KLF8: variants seen among roughly 807,000 people sequenced by gnomAD.
The protein encoded by KLF8 is KLF transcription factor 8, also known as Krueppel-like factor 8.
In KLF8, 10 loss-of-function variants were observed where a neutral mutation model predicts 18.2. The ratio of observed to expected loss-of-function variants is 0.55; its 90% CI spans 0.34 to 0.93. The LOEUF (loss-of-function observed/expected upper bound fraction) is 0.93. Ranked by LOEUF, KLF8 falls within the 40% of genes least tolerant of loss-of-function variation. The probability of loss-of-function intolerance (pLI) is 0.02; values close to 1 mark genes in which losing one functional copy is unlikely to be tolerated. For synonymous variants in KLF8, 109 were observed against 97.3 expected (o/e 1.12, Z -0.71); for missense variants, 264 against 277.9 (o/e 0.95, Z 0.36).
At chrX:56,170,160 C>T in the KLF8 span, among the ~76,000 whole-genome samples, 1 of 111,004 alleles carries the variant, frequency 9.0e-6, no homozygotes, top group African/African-American at 3.3e-5. Flanking sequence ...GCAAACATAA[C>T]TTAGATCACA....
chrX:55,946,685 G>C, the KLF8 span, among the ~76,000 whole-genome samples: 91 of 111,448 alleles, frequency 8.2e-4, 2 homozygotes, highest in South Asian at 7.6e-3. Flanking sequence ...AAACTACCAT[G>C]AGAGTGAACA....
the KLF8 span, among the ~76,000 whole-genome samples, chrX:55,946,243 A>G: frequency 8.9e-6 from 1 of 111,918 alleles, no homozygotes; most frequent in East Asian, 2.8e-4. Flanking sequence ...CTATACTACA[A>G]TGCTACAGTA....
chrX:55,924,296 C>T, the KLF8 span, among the ~76,000 whole-genome samples: 2 of 111,052 alleles, frequency 1.8e-5, no homozygotes, highest in African/African-American at 6.6e-5. Context: ...GCAGGATGGT[C>T]TCGATTTCCT....
chrX:56,031,363 A>G, the KLF8 span, among the ~76,000 whole-genome samples: 1 of 112,354 alleles, frequency 8.9e-6, no homozygotes, highest in African/African-American at 3.2e-5. Context: ...AGTCAAAACC[A>G]GAACAAAAGT....
chrX:55,983,523 T>C, the KLF8 span, among the ~76,000 whole-genome samples: 1 of 112,016 alleles, frequency 8.9e-6, no homozygotes, highest in East Asian at 2.8e-4. Flanking sequence ...CCTGCAAACA[T>C]ACTGCTCTAC....
the KLF8 span, among the ~76,000 whole-genome samples, chrX:56,059,755 A>G: frequency 9.0e-6 from 1 of 111,539 alleles, no homozygotes; most frequent in Non-Finnish European, 1.9e-5. Flanking sequence ...TGTTTACTGT[A>G]GCCTTGTAGT....
the KLF8 span, among the ~76,000 whole-genome samples, chrX:55,934,637 C>G: frequency 4.4e-5 from 5 of 112,615 alleles, no homozygotes; most frequent in Non-Finnish European, 7.5e-5. Context: ...TAATGTCTAA[C>G]TCCTCTATTT....
At chrX:55,989,598 G>A in the KLF8 span, among the ~76,000 whole-genome samples, 9 of 111,956 alleles carry the variant, frequency 8.0e-5, no homozygotes, top group South Asian at 3.8e-4. Flanking sequence ...TGCTGCATTC[G>A]GTTTGTCAGT....
At chrX:55,968,471 G>T in the KLF8 span, among the ~76,000 whole-genome samples, 1 of 112,018 alleles carries the variant, frequency 8.9e-6, no homozygotes. Context: ...AGATTTTTAA[G>T]GTGAAAAGTA....
At chrX:56,005,203 G>T in the KLF8 span, among the ~76,000 whole-genome samples, 4 of 110,398 alleles carry the variant, frequency 3.6e-5, no homozygotes, top group South Asian at 1.6e-3. Context: ...GATTACAGGG[G>T]GGTGGTGTCA....
At chrX:56,166,749 T>C in the KLF8 span, among the ~76,000 whole-genome samples, 2 of 112,017 alleles carry the variant, frequency 1.8e-5, no homozygotes, top group South Asian at 3.7e-4. Flanking sequence ...ACAGCTTTAC[T>C]GTTAACTGCC....
At chrX:56,082,866 T>A in the KLF8 span, among the ~76,000 whole-genome samples, 1 of 111,994 alleles carries the variant, frequency 8.9e-6, no homozygotes, top group East Asian at 2.8e-4. Flanking sequence ...TTTGCTGTCT[T>A]CTCGCCTCCA....
At chrX:56,019,660 C>A in the KLF8 span, among the ~76,000 whole-genome samples, 5 of 111,495 alleles carry the variant, frequency 4.5e-5, no homozygotes, top group Non-Finnish European at 5.7e-5. Flanking sequence ...AAGATAAAGT[C>A]CTGAGGCTGA....
the KLF8 span, among the ~76,000 whole-genome samples, chrX:56,196,386 G>A: frequency 1.8e-5 from 2 of 108,502 alleles, no homozygotes; most frequent in Non-Finnish European, 3.8e-5. Flanking sequence ...GATGAAGGAA[G>A]ATTTACCAAG....
chrX:56,051,909 T>G, the KLF8 span, among the ~76,000 whole-genome samples: 1 of 109,972 alleles, frequency 9.1e-6, no homozygotes, highest in Non-Finnish European at 1.9e-5. Flanking sequence ...GGTACACCAA[T>G]CAGATGTAGA....
At chrX:56,105,337 G>T in the KLF8 span, among the ~76,000 whole-genome samples, 1 of 111,302 alleles carries the variant, frequency 9.0e-6, no homozygotes, top group African/African-American at 3.3e-5. Flanking sequence ...CATTATTATT[G>T]TGTGGAAGTC....
the KLF8 span, among the ~76,000 whole-genome samples, chrX:56,086,844 C>T: frequency 1.8e-5 from 2 of 110,949 alleles, no homozygotes; most frequent in Non-Finnish European, 3.8e-5. Context: ...CTAAGATGTA[C>T]CAGTAGATTC....
the KLF8 span, among the ~76,000 whole-genome samples, chrX:56,179,392 C>T: frequency 2.7e-5 from 3 of 112,255 alleles, no homozygotes; most frequent in Non-Finnish European, 1.9e-5. Flanking sequence ...AGATTTTAGG[C>T]TGAGACTATG....
the KLF8 span, among the ~76,000 whole-genome samples, chrX:55,939,189 T>C: frequency 1.8e-5 from 2 of 111,697 alleles, no homozygotes; most frequent in African/African-American, 6.5e-5. Context: ...CAGACCACAG[T>C]GCAATCAAAC....
Sources: gnomAD v4.1 joint callset for allele counts (sites outside exome capture counted in the v4.1 genomes callset) on GRCh38, gnomAD v4.1.1 for gene constraint, MANE v1.5 for transcripts, NCBI Gene and HGNC (gene_info 2026-07-23, HGNC 2026-07-21) for gene names.